DMD: variants seen among roughly 807,000 people sequenced by gnomAD.
The protein encoded by DMD is mutant dystrophin.
Under a neutral mutation model 330.1 loss-of-function variants are expected in DMD, and 63 were observed. That is an observed-to-expected ratio of 0.19 (90% confidence interval 0.16 to 0.24). The LOEUF (loss-of-function observed/expected upper bound fraction) is 0.24, where lower values mean the gene tolerates loss of function less well. DMD is among the 10% of genes least tolerant of loss of function. The pLI is 1.00. For missense variants in DMD, 3,344 were observed against 2,684.1 expected, an observed-to-expected ratio of 1.25 and a Z score of -5.43; for synonymous variants, 1,223 against 959.8, an observed-to-expected ratio of 1.27 and a Z score of -5.07.
intron 1 of DMD, among the ~76,000 whole-genome samples, chrX:33,280,930 T>C (rs914046352): frequency 2.7e-5 from 3 of 111,738 alleles, no homozygotes; most frequent in African/African-American, 9.8e-5. Flanking sequence ...TGCCATTCTA[T>C]ACATCCTATA....
chrX:32,845,970 T>A (rs780786485), intron 3 of DMD, among the ~76,000 whole-genome samples: 8 of 111,343 alleles, frequency 7.2e-5, no homozygotes, highest in South Asian at 3.8e-4. Context: ...ACATGAAGCA[T>A]GCTGTCTCAC....
chrX:31,756,567 G>T (rs1256716738), intron 51 of DMD, among the ~76,000 whole-genome samples: 1 of 112,592 alleles, frequency 8.9e-6, no homozygotes, highest in Non-Finnish European at 1.9e-5. Context: ...CATTGCCTTG[G>T]GCAAGTCACT....
chrX:32,172,407 G>A lies in DMD; in HGVS notation c.6438+44509C>T, dbSNP rs112984918. On this transcript the variant is annotated intron_variant, in intron 44 of 78. Transcript: ENST00000357033. ...ATTACATAGAAATATAATTTATGTAGAGGAATGTAATAAACATTACTCTTT... is the reference window on the plus strand; with the variant it reads ...ATTACATAGAAATATAATTTATGTAAAGGAATGTAATAAACATTACTCTTT... Among the ~76,000 whole-genome samples the A allele has an allele frequency of 7.1e-5, 8 of 111,931 alleles. No individual in the cohort carries two copies. The South Asian group carries it at 3.0e-3, about 42-fold the overall frequency.
At chrX:31,630,747 CT>C (rs2079094066) in intron 54 of DMD, among the ~76,000 whole-genome samples, 1 of 110,384 alleles carries the variant, frequency 9.1e-6, no homozygotes, top group African/African-American at 3.3e-5. Context: ...TTTTAAATTC[CT>C]TTGTCCAAGT....
At chrX:31,188,868 T>C (rs1351496167) in intron 67 of DMD, among the ~76,000 whole-genome samples, 1 of 112,080 alleles carries the variant, frequency 8.9e-6, no homozygotes, top group African/African-American at 3.2e-5. Flanking sequence ...ATCACCTTTA[T>C]ACAAATATAA....
chrX:32,408,865 C>CATCT (rs10559613), intron 30 of DMD, among the ~76,000 whole-genome samples: 28,705 of 96,742 alleles, frequency 0.3, 3,741 homozygotes, highest in Admixed American at 0.34. Context: ...TTCTTTCTTT[C>CATCT]ATCTATCTAT....
chrX:33,163,033 T>G (rs749481325), intron 1 of DMD, among the ~76,000 whole-genome samples: 1 of 111,917 alleles, frequency 8.9e-6, no homozygotes, highest in East Asian at 2.8e-4. Flanking sequence ...AACTCTGCAG[T>G]GCACAGAAGG....
chrX:32,110,011 C>T, intron 44 of DMD, among the ~76,000 whole-genome samples: 1 of 111,790 alleles, frequency 8.9e-6, no homozygotes, highest in East Asian at 2.8e-4. Context: ...CATTATTTTT[C>T]AATGGCTATG....
At chrX:32,840,507 T>G in intron 4 of DMD, among the ~76,000 whole-genome samples, 1 of 111,421 alleles carries the variant, frequency 9.0e-6, no homozygotes, top group South Asian at 3.8e-4. Flanking sequence ...ATGCGTTTTC[T>G]TACAGTAAAT....
intron 9 of DMD, among the ~76,000 whole-genome samples, chrX:32,649,512 C>T (rs1459152740): frequency 1.0e-5 from 1 of 99,566 alleles, no homozygotes; most frequent in East Asian, 3.1e-4. Flanking sequence ...GCCGAGAAAG[C>T]GCCACTGCAC....
At chrX:32,222,252 C>G (rs1251787576) in intron 43 of DMD, among the ~76,000 whole-genome samples, 1 of 111,518 alleles carries the variant, frequency 9.0e-6, no homozygotes, top group African/African-American at 3.3e-5. Flanking sequence ...AAAATCTATT[C>G]AAAACCTCTG....
At chrX:32,232,036 G>A (rs2097170924) in intron 43 of DMD, among the ~76,000 whole-genome samples, 2 of 109,116 alleles carry the variant, frequency 1.8e-5, no homozygotes, top group African/African-American at 7.0e-5. Flanking sequence ...GTTCCAAGTG[G>A]CATTAACAGA....
chrX:33,288,424 C>T (rs1156975805), intron 1 of DMD, among the ~76,000 whole-genome samples: 1 of 111,293 alleles, frequency 9.0e-6, no homozygotes, highest in African/African-American at 3.3e-5. Flanking sequence ...CAATTTACTT[C>T]GGCCAACCTG....
intron 43 of DMD, among the ~76,000 whole-genome samples, chrX:32,222,976 A>G (rs983844987): frequency 6.3e-5 from 7 of 111,849 alleles, no homozygotes; most frequent in Non-Finnish European, 7.5e-5. Context: ...ACCCATGGTG[A>G]CCATCACCCA....
chrX:32,057,281 G>A (rs2096184031), intron 44 of DMD, among the ~76,000 whole-genome samples: 1 of 111,029 alleles, frequency 9.0e-6, no homozygotes, highest in Non-Finnish European at 1.9e-5. Flanking sequence ...AATTAGATAA[G>A]AAAGAGAAAT....
At chrX:31,635,401 C>T (rs1000323250) in intron 54 of DMD, among the ~76,000 whole-genome samples, 1 of 111,870 alleles carries the variant, frequency 8.9e-6, no homozygotes, top group African/African-American at 3.2e-5. Flanking sequence ...TCATCTCTTA[C>T]AAACCTGATA....
At position 32,667,767 on chromosome X, in the gene DMD, G is replaced by GTTTTTTTT. The variant is rs201162726; in HGVS notation, c.961-22623_961-22616dup. Among the ~76,000 whole-genome samples the GTTTTTTTT allele has an allele frequency of 4.9e-3, 398 of 81,596 alleles. 5 individuals carry two copies. The highest frequency in any genetic ancestry group is 0.019 in the African/African-American group (378 of 19,778). 70.9% of individuals were successfully genotyped at this position (81,596 alleles called of 115,157 possible). ...AGTTCTCACCATTCTCTGCTTTTGT[G>GTTTTTTTT]TTTTTTTTTTTTTTTTTTCCAGTTT... On this transcript the variant is annotated intron_variant, in intron 9 of 78. Transcript: ENST00000357033.
intron 64 of DMD, among the ~76,000 whole-genome samples, chrX:31,212,178 ATG>A (rs377234015): frequency 0.34 from 25,844 of 75,106 alleles, 2,808 homozygotes; most frequent in East Asian, 0.61. Flanking sequence ...GTGTGTGTGT[ATG>A]TGTGTGTGTG....
In DMD at chrX:33,009,213, C is replaced by A. The variant is rs866290201; in HGVS notation, c.93+10926G>T. ...ATATGTATATATGTGTATATATACA[C>A]ATATGTGCATATATGTGTATATATA... On this transcript the variant is annotated intron_variant, in intron 2 of 78. Coordinates refer to ENST00000357033, the MANE Select transcript of DMD (RefSeq NM_004006.3). 7.5e-5 allele frequency among the ~76,000 whole-genome samples: 2 copies of A among 26,743 alleles called. 1 individual carries two copies. The highest frequency in any genetic ancestry group is 6.8e-4 in the Admixed American group (2 of 2,934). 23.2% of individuals were successfully genotyped at this position (26,743 alleles called of 115,157 possible). A position where few individuals can be genotyped will look rare whatever the true frequency, so the allele number is the denominator to read the frequency against.
Sources: gnomAD v4.1 joint callset for allele counts (sites outside exome capture counted in the v4.1 genomes callset) on GRCh38, gnomAD v4.1.1 for gene constraint, MANE v1.5 for transcripts, NCBI Gene and HGNC (gene_info 2026-07-23, HGNC 2026-07-21) for gene names.